Variants in GCLC observed in about 807,000 individuals in gnomAD.
The protein encoded by GCLC is glutamate--cysteine ligase catalytic subunit.
Under a neutral mutation model 81.5 loss-of-function variants are expected in GCLC, and 30 were observed. That is an observed-to-expected ratio of 0.37 (90% CI 0.28 to 0.50). The LOEUF (loss-of-function observed/expected upper bound fraction) is 0.50, where lower values mean the gene tolerates loss of function less well. GCLC is among the 20% of genes least tolerant of loss of function. The pLI is 0.96. For missense variants in GCLC, 556 were observed against 777.4 expected (o/e 0.72, Z 3.39); for synonymous variants, 262 against 273.3 (o/e 0.96, Z 0.41).
rs1763424673 is a variant in GCLC at position 53,544,878 on chromosome 6, G to A, written c.-233C>T. 5.3e-6 allele frequency: 2 copies of A among 377,948 alleles called. No individual in the cohort carries two copies. The highest frequency in any genetic ancestry group is 1.2e-4 in the South Asian group (2 of 16,664). The allele number at this position is 377,948 out of a possible 1,614,324, so 23.4% of individuals were successfully genotyped here. ...GACGCACCGCGCGGAGGCGAAGGCA[G>A]AAGACCGAGAGCAGGCGGGACGGCT... On this transcript the variant is annotated 5_prime_UTR_variant, in exon 1 of 16. Coordinates refer to ENST00000650454, the MANE Select transcript of GCLC (RefSeq NM_001498.4).
chr6:53,520,860 C>T lies in GCLC; in HGVS notation c.364G>A (p.Ala122Thr). ...TCCTTCCGGCGTTTTCGCATGTTGG[C>T]CTCAACTGTATTGAACTCGGACATT... Reference protein sequence around the residue: ...GTMSEFNTVEANMRKRRKEAT... With the variant: ...GTMSEFNTVETNMRKRRKEAT... Residue 122 changes from alanine to threonine, a missense_variant, in exon 3 of 16, where the codon GCC becomes ACC. Transcript: ENST00000650454. 3 of 1,613,952 alleles carry T rather than the reference C, an allele frequency of 1.9e-6. No homozygotes were observed. Among genetic ancestry groups the T allele is most frequent in the Non-Finnish European group, 2.5e-6 (3 of 1,179,842 alleles).
chr6:53,500,276 T>C lies in GCLC; in HGVS notation c.1552A>G (p.Met518Val), dbSNP rs146091376. ...TELAAEEYTL[M>V]SIDTIINGKE... is the part of the protein sequence containing the mutation. ...CCATTGATGATGGTGTCTATGCTCATGAGGGTGTACTCCTCTGCAGCGAGC... is the reference window on the plus strand; with the variant it reads ...CCATTGATGATGGTGTCTATGCTCACGAGGGTGTACTCCTCTGCAGCGAGC... Residue 518 changes from methionine (M) to valine (V), a missense_variant, in exon 14 of 16, where the codon ATG (methionine) becomes GTG (valine). Met to Val is a conservative substitution (Grantham distance 21). Transcript: ENST00000650454. 31 of 1,614,054 alleles carry C rather than the reference T, an allele frequency of 1.9e-5. No individual in the cohort carries two copies. The highest frequency in any genetic ancestry group is 2.5e-5 in the Non-Finnish European group (30 of 1,179,992).
chr6:53,519,626 C>CT (rs1412407800), intron 3 of GCLC, among the ~76,000 whole-genome samples: 1 of 152,156 alleles, frequency 6.6e-6, no homozygotes, highest in Admixed American at 6.5e-5. Flanking sequence ...ACTCAAGTGT[C>CT]TGAGTGAATG....
chr6:53,508,729 T>G lies in GCLC; in HGVS notation c.829-18A>C, dbSNP rs962861714. 7.3e-6 allele frequency: 11 copies of G among 1,513,680 alleles called. No individual in the cohort carries two copies. Among genetic ancestry groups the G allele is most frequent in the Non-Finnish European group, 1.0e-5 (11 of 1,088,656 alleles). The allele number at this position is 1,513,680 out of a possible 1,614,324, so 93.8% of individuals were successfully genotyped here. ...AAAGCCATCTAAAAACAAACAAAAG[T>G]CAGCTCCTGCAAATTCAAAGTGTCA... On this transcript the variant is annotated intron_variant, in intron 7 of 15. Transcript: ENST00000650454.
intron 12 of GCLC, among the ~76,000 whole-genome samples, chr6:53,502,854 T>C (rs749256245): frequency 1.3e-5 from 2 of 152,226 alleles, no homozygotes; most frequent in Non-Finnish European, 2.9e-5. Context: ...TTTGTGGCAC[T>C]GAAATGTATT....
chr6:53,544,160 G>A (rs1195466489), intron 1 of GCLC, among the ~76,000 whole-genome samples: 1 of 152,246 alleles, frequency 6.6e-6, no homozygotes, highest in Non-Finnish European at 1.5e-5. Context: ...GATCATGGTA[G>A]TTGCCGGTCT....
At chr6:53,537,247 C>T (rs1009260056) in intron 1 of GCLC, among the ~76,000 whole-genome samples, 5 of 152,224 alleles carry the variant, frequency 3.3e-5, no homozygotes, top group Admixed American at 6.5e-5. Flanking sequence ...CATGCACACA[C>T]GTGCAAAGGG....
At position 53,520,953 on chromosome 6, in the gene GCLC, T is replaced by C. The variant is rs1405926965; in HGVS notation, c.271A>G (p.Thr91Ala). 4 of 1,612,142 alleles carry C rather than the reference T, an allele frequency of 2.5e-6. No homozygotes were observed. Among genetic ancestry groups the C allele is most frequent in the Admixed American group, 3.3e-5 (2 of 60,028 alleles). Residue 91 changes from threonine (T) to alanine (A), a missense_variant, in exon 3 of 16, where the codon ACC becomes GCC. Transcript: ENST00000650454. Reference protein sequence around the residue: ...KGERTNPNHPTLWRPEYGSYM... With the variant: ...KGERTNPNHPALWRPEYGSYM... ...CTCCCATACTCTGGTCTCCAAAGGG[T>C]AGGATGGCTACGGAGGAGAAATAAC... is the stretch of plus-strand genomic sequence containing the variant.
At chr6:53,523,135 T>C (rs1253068610) in intron 1 of GCLC, 2 of 153,394 alleles carry the variant, frequency 1.3e-5, no homozygotes, top group South Asian at 2.0e-4. Flanking sequence ...TGAAACCATA[T>C]AAAATTTGCA....
intron 1 of GCLC, among the ~76,000 whole-genome samples, chr6:53,531,831 G>C (rs527698250): frequency 2.5e-4 from 38 of 152,304 alleles, no homozygotes; most frequent in Non-Finnish European, 5.3e-4. Flanking sequence ...GCCCAGAGCA[G>C]CCTTAATTTT....
intron 1 of GCLC, among the ~76,000 whole-genome samples, chr6:53,531,561 C>A (rs932540772): frequency 6.6e-6 from 1 of 152,206 alleles, no homozygotes; most frequent in Admixed American, 6.5e-5. Context: ...TTTCAACCCA[C>A]CCCACACGAT....
intron 1 of GCLC, chr6:53,523,786 T>C (rs1472505207): frequency 6.6e-6 from 1 of 152,210 alleles, no homozygotes; most frequent in Non-Finnish European, 1.5e-5. Flanking sequence ...AAAAAAATGT[T>C]AGTAACTGTA....
chr6:53,542,579 G>A (rs1763376261), intron 1 of GCLC, among the ~76,000 whole-genome samples: 2 of 152,002 alleles, frequency 1.3e-5, no homozygotes, highest in African/African-American at 4.8e-5. Flanking sequence ...ATAAGGGGTG[G>A]TGGGGGGTGG....
intron 3 of GCLC, 65 bp downstream of exon 3, chr6:53,520,713 A>C (rs1170079447): frequency 7.4e-7 from 1 of 1,360,334 alleles, no homozygotes; most frequent in Non-Finnish European, 1.1e-6. Context: ...CCGGGTCGTG[A>C]CTTGCTCTTT....
intron 5 of GCLC, 31 bp downstream of exon 5, chr6:53,514,408 C>T (rs879086604): frequency 1.9e-6 from 3 of 1,598,812 alleles, no homozygotes; most frequent in East Asian, 4.5e-5. Flanking sequence ...ACATGTCTCT[C>T]TCCCACCCCA....
intron 1 of GCLC, among the ~76,000 whole-genome samples, chr6:53,539,471 G>C (rs2127631244): frequency 6.6e-6 from 1 of 152,258 alleles, no homozygotes; most frequent in East Asian, 1.9e-4. Context: ...CCTTGGATGA[G>C]AACACAAACT....
intron 15 of GCLC, 78 bp from the exon 16 acceptor site, chr6:53,499,045 G>T: frequency 3.5e-6 from 3 of 865,336 alleles, no homozygotes; most frequent in Non-Finnish European, 6.0e-6. Context: ...TTAGTGGTCA[G>T]CATAAACACA....
Position 53,518,675 on chromosome 6 carries a change from A to T in GCLC, c.446+2103T>A, listed in dbSNP as rs1245407317. On this transcript the variant is annotated intron_variant, in intron 3 of 15. Transcript: ENST00000650454. ...GGAAACACCACTGCCCATCAATCCT[A>T]TATATTCTTCAGCTTTAATATATAA... Among the ~76,000 whole-genome samples, 2 of 152,202 alleles carry T rather than the reference A, an allele frequency of 1.3e-5. 1 individual carries two copies. The highest frequency in any genetic ancestry group is 2.9e-5 in the Non-Finnish European group (2 of 68,042).
intron 1 of GCLC, among the ~76,000 whole-genome samples, chr6:53,535,200 T>C (rs116754865): frequency 0.036 from 5,423 of 152,182 alleles, 161 homozygotes; most frequent in Middle Eastern, 0.085. Flanking sequence ...CTAGGCAGCA[T>C]AGCAGAACCT....
Sources: gnomAD v4.1 joint callset for allele counts (sites outside exome capture counted in the v4.1 genomes callset) on GRCh38, gnomAD v4.1.1 for gene constraint, MANE v1.5 for transcripts, NCBI Gene and HGNC (gene_info 2026-07-23, HGNC 2026-07-21) for gene names.